Variants in MYO15A observed in about 807,000 individuals in gnomAD.
The protein encoded by MYO15A is myosin XVA.
A neutral mutation model predicts 394.6 loss-of-function variants in MYO15A; 308 were observed. That is an observed-to-expected ratio of 0.78 (90% CI 0.71 to 0.86). The LOEUF is 0.86. Among genes scored for constraint, MYO15A ranks in the 40% least tolerant of loss-of-function variants. The probability of loss-of-function intolerance (pLI) is 0.00; values close to 1 mark genes in which losing one functional copy is unlikely to be tolerated. For synonymous variants in MYO15A, 1,957 were observed against 2,003.8 expected (o/e 0.98, Z 0.62); for missense variants, 4,606 against 4,799.1 (o/e 0.96, Z 1.19).
At chr17:18,136,721 A>G in intron 15 of MYO15A, 35 bp downstream of exon 15, 1 of 1,563,570 alleles carries the variant, frequency 6.4e-7, no homozygotes, top group Non-Finnish European at 8.6e-7. Flanking sequence ...GGCGGGGGAC[A>G]TAGGCAAGGT....
intron 15 of MYO15A, among the ~76,000 whole-genome samples, chr17:18,136,990 G>T (rs2142321062): frequency 6.6e-6 from 1 of 152,362 alleles, no homozygotes; most frequent in East Asian, 1.9e-4. Context: ...TCCTGGATGA[G>T]GATGAGACAC....
At chr17:18,169,627 A>G (rs1170667230) in intron 62 of MYO15A, 2 of 151,974 alleles carry the variant, frequency 1.3e-5, no homozygotes, top group African/African-American at 4.8e-5. Context: ...ATAGAGTAAG[A>G]CTCCGTCTCA....
Position 18,157,016 on chromosome 17 carries a change from C to T in MYO15A, c.8664C>T (p.Phe2888=), listed in dbSNP as rs1331655973. The T allele has an allele frequency of 6.2e-7, 1 of 1,614,176 alleles. No homozygotes were observed. Reference sequence around the variant, plus strand: ...CTGAGGACCCTGCGCTGCTGGCTTTCCACAAGGGTGACATCATACACCTGC... The same window carrying T: ...CTGAGGACCCTGCGCTGCTGGCTTTTCACAAGGGTGACATCATACACCTGC... The part of the protein sequence containing the change: ...FLPEDPALLA[F]HKGDIIHLQP... Residue 2888 remains phenylalanine (F), a synonymous_variant, in exon 49 of 66, where the codon TTC becomes TTT. Coordinates refer to ENST00000647165, the MANE Select transcript of MYO15A (RefSeq NM_016239.4).
intron 1 of MYO15A, among the ~76,000 whole-genome samples, chr17:18,113,797 G>GACACAC (rs4025536): frequency 0.07 from 9,652 of 138,600 alleles, 513 homozygotes; most frequent in East Asian, 0.16. Flanking sequence ...CACCTCCCCT[G>GACACAC]ACACACACAC....
intron 6 of MYO15A, 71 bp from the exon 7 acceptor site, chr17:18,127,004 T>C (rs947879336): frequency 3.1e-6 from 5 of 1,603,666 alleles, no homozygotes; most frequent in Non-Finnish European, 3.4e-6. Flanking sequence ...TCTTGCTTCA[T>C]GATGGGAGTC....
Position 18,136,416 on chromosome 17 carries a change from G to T in MYO15A, c.4597-1G>T, listed in dbSNP as rs1357703648. 6.2e-7 allele frequency: 1 copy of T among 1,613,726 alleles called. No homozygotes were observed. Among genetic ancestry groups the T allele is most frequent in the Admixed American group, 1.7e-5 (1 of 60,032 alleles). ...CACTCAAGGGCTGTGCCCGTCCCTA[G>T]GAGACAATGCGAGAGAAGATCTTCA... On this transcript the variant is annotated splice_acceptor_variant, in intron 13 of 65. Coordinates refer to ENST00000647165, the MANE Select transcript of MYO15A (RefSeq NM_016239.4). LOFTEE classifies it high-confidence loss of function.
intron 15 of MYO15A, among the ~76,000 whole-genome samples, chr17:18,137,112 G>C (rs2046294158): frequency 1.3e-5 from 2 of 152,202 alleles, no homozygotes; most frequent in African/African-American, 4.8e-5. Flanking sequence ...GGGGGTGACT[G>C]TTTTGTGAGT....
chr17:18,174,985 C>G (rs1394829442), intron 65 of MYO15A, among the ~76,000 whole-genome samples: 2 of 152,106 alleles, frequency 1.3e-5, no homozygotes, highest in African/African-American at 2.4e-5. Context: ...CACTCCTCAC[C>G]ACACCCCAAT....
intron 15 of MYO15A, 45 bp from the exon 16 acceptor site, chr17:18,137,539 G>A (rs757653071): frequency 1.9e-6 from 3 of 1,586,050 alleles, no homozygotes; most frequent in Admixed American, 1.7e-5. Context: ...AAACAGGCTG[G>A]TGGCCAAGGA....
Position 18,144,573 on chromosome 17 carries a change from C to G in MYO15A, c.6254C>G (p.Ala2085Gly). The change falls in exon 29 of 66, where the codon GCC (alanine) becomes GGC (glycine). Residue 2085 changes from alanine (A) to glycine (G), a missense_variant. Around this residue, in one of 2 missense-constraint regions of MYO15A, gnomAD observed 2,776 missense variants for 3,109.3 expected, o/e 0.89. Coordinates refer to ENST00000647165, the MANE Select transcript of MYO15A (RefSeq NM_016239.4). The part of the protein sequence containing the change: ...TQLPAEHHAE[A>G]VSIFKLILRF... ...CTGCCAGCCGAGCACCATGCAGAAG[C>G]CGTGAGCATCTTCAAGCTGGTATGG... 6.2e-7 allele frequency: 1 copy of G among 1,612,870 alleles called. No individual in the cohort carries two copies. Among genetic ancestry groups the G allele is most frequent in the Non-Finnish European group, 8.5e-7 (1 of 1,180,010 alleles).
At chr17:18,140,891 T>C in intron 21 of MYO15A, 59 bp downstream of exon 21, 2 of 1,613,082 alleles carry the variant, frequency 1.2e-6, no homozygotes, top group Non-Finnish European at 8.5e-7. Context: ...CTGTGTGACC[T>C]TGGGCAAGTG....
In MYO15A at chr17:18,151,552, C is replaced by T. The variant is rs757186589; in HGVS notation, c.7787+25C>T. Reference sequence around the variant, plus strand: ...GGTCAGCACTGCCCCTGCCCCCAGCCCGCCAGCCCCCTCACTGTACCTGAG... The same window carrying T: ...GGTCAGCACTGCCCCTGCCCCCAGCTCGCCAGCCCCCTCACTGTACCTGAG... On this transcript the variant is annotated intron_variant, in intron 40 of 65. Coordinates refer to ENST00000647165, the MANE Select transcript of MYO15A (RefSeq NM_016239.4). The T allele has an allele frequency of 2.5e-5, 41 of 1,612,992 alleles. No individual in the cohort carries two copies. The Middle Eastern group carries it at 1.2e-3, about 45-fold the overall frequency.
At chr17:18,174,969 C>T (rs2046993704) in intron 65 of MYO15A, among the ~76,000 whole-genome samples, 1 of 152,140 alleles carries the variant, frequency 6.6e-6, no homozygotes, top group Admixed American at 6.5e-5. Context: ...GTCTAGGGTC[C>T]TAATGCACTC....
Position 18,117,741 on chromosome 17 carries a change from G to C in MYO15A, c.-219-841G>C, listed in dbSNP as rs1353160055. Among the ~76,000 whole-genome samples the C allele has an allele frequency of 6.6e-6, 1 of 152,176 alleles. No homozygotes were observed. Among genetic ancestry groups the C allele is most frequent in the East Asian group, 1.9e-4 (1 of 5,196 alleles). ...TAGGTCAGGCCATATGAAGCAATCA[G>C]CTATGCCCAGAGAAGGCAGTAACCA... On this transcript the variant is annotated intron_variant, in intron 1 of 65. Coordinates refer to ENST00000647165, the MANE Select transcript of MYO15A (RefSeq NM_016239.4). This position sits in a 1 kb window ranked among gnomAD's most constrained non-coding sequence, Gnocchi z 4.1.
At chr17:18,124,768 G>A in intron 3 of MYO15A, 1 of 610,294 alleles carries the variant, frequency 1.6e-6, no homozygotes, top group Non-Finnish European at 2.9e-6. Flanking sequence ...CCACTCACCA[G>A]CTGGCAGACG....
rs1284949788 is a variant in MYO15A at position 18,166,408 on chromosome 17, G to A, written c.9835G>A (p.Ala3279Thr). 2 of 1,614,000 alleles carry A rather than the reference G, an allele frequency of 1.2e-6. No individual in the cohort carries two copies. The highest frequency in any genetic ancestry group is 2.2e-5 in the East Asian group (1 of 44,888). ...TCGCCGTGCTTACATCCTGGATGTG[G>A]CCTCAGAGATGGAGCAGGTGGACGG... ...LSRRAYILDV[A>T]SEMEQVDGGY... is the part of the protein sequence containing the mutation. The change falls in exon 61 of 66, where the codon GCC becomes ACC. Residue 3279 changes from alanine (A) to threonine (T), a missense_variant. Around this residue, in one of 2 missense-constraint regions of MYO15A, gnomAD observed 2,776 missense variants for 3,109.3 expected, o/e 0.89. Coordinates refer to ENST00000647165, the MANE Select transcript of MYO15A (RefSeq NM_016239.4).
Position 18,121,714 on chromosome 17 carries a change from C to G in MYO15A, c.2914C>G (p.Pro972Ala). ...CTTTCTCCAGCTCCTGGGCCCTGTG[C>G]CATCCCCCACCCTCCAGCCTGAGGA... ...NPFLQLLGPV[P>A]SPTLQPEDPA... The change falls in exon 2 of 66, where the codon CCA (proline) becomes GCA (alanine). Residue 972 changes from proline to alanine, a missense_variant. Pro to Ala is a conservative substitution (Grantham distance 27). This residue lies in a region of MYO15A where 1,830 missense variants were observed against 1,689.7 expected (regional missense o/e 1.08). Coordinates refer to ENST00000647165, the MANE Select transcript of MYO15A (RefSeq NM_016239.4). This position sits in a 1 kb window ranked among gnomAD's most constrained non-coding sequence, Gnocchi z 5.3. The G allele has an allele frequency of 6.2e-7, 1 of 1,600,522 alleles. No individual in the cohort carries two copies. The highest frequency in any genetic ancestry group is 1.3e-5 in the African/African-American group (1 of 74,624).
At position 18,124,472 on chromosome 17, in the gene MYO15A, C is replaced by T. The variant is rs1400029055; in HGVS notation, c.3610-11C>T. 1 of 1,610,078 alleles carries T rather than the reference C, an allele frequency of 6.2e-7. No homozygotes were observed. On this transcript the variant is annotated splice_polypyrimidine_tract_variant and intron_variant, in intron 2 of 65. Transcript: ENST00000647165. ...TTCAACCTGCAGACACAGCCTCTCT[C>T]TCTCACACAGATGCACTCCATCCGC... is the stretch of plus-strand genomic sequence containing the variant.
At chr17:18,172,392 C>T in intron 64 of MYO15A, 102 bp downstream of exon 64, 1 of 1,501,708 alleles carries the variant, frequency 6.7e-7, no homozygotes, top group Non-Finnish European at 9.2e-7. Flanking sequence ...CCCAGTTCCA[C>T]TGCTTACCAC....
Sources: gnomAD v4.1 joint callset for allele counts (sites outside exome capture counted in the v4.1 genomes callset) on GRCh38, gnomAD v4.1.1 for gene constraint, gnomAD v4.1.1 regional missense constraint, Gnocchi (gnomAD v3.1) non-coding constraint, MANE v1.5 for transcripts, NCBI Gene and HGNC (gene_info 2026-07-23, HGNC 2026-07-21) for gene names.